Variants in FRAS1 observed in about 807,000 individuals in gnomAD.
FRAS1 encodes the protein extracellular matrix organizing protein FRAS1.
FRAS1 carries 290 observed loss-of-function variants against 435.2 expected under a neutral mutation model. The observed-to-expected ratio is 0.67, with a 90% confidence interval of 0.61 to 0.73. The LOEUF is 0.73. FRAS1 is among the 30% of genes least tolerant of loss of function. The pLI is 0.00. For synonymous variants in FRAS1, 1,800 were observed against 1,851.0 expected (o/e 0.97, Z 0.71); for missense variants, 4,860 against 5,001.5 (o/e 0.97, Z 0.85).
chr4:78,161,170 A>C (rs1208412851), intron 2 of FRAS1, among the ~76,000 whole-genome samples: 1 of 151,348 alleles, frequency 6.6e-6, no homozygotes, highest in East Asian at 1.9e-4. Flanking sequence ...AAGAAGCTTT[A>C]TAAAGAAAAG....
At chr4:78,359,118 A>G (rs1730975289) in intron 20 of FRAS1, among the ~76,000 whole-genome samples, 1 of 152,168 alleles carries the variant, frequency 6.6e-6, no homozygotes, top group South Asian at 2.1e-4. Flanking sequence ...CTTTGTAGTC[A>G]GAAAAATAAA....
At chr4:78,255,955 T>A (rs1725773984) in intron 6 of FRAS1, among the ~76,000 whole-genome samples, 1 of 152,144 alleles carries the variant, frequency 6.6e-6, no homozygotes, top group South Asian at 2.1e-4. Context: ...GTGGTATACG[T>A]GGTATTTTAT....
intron 49 of FRAS1, among the ~76,000 whole-genome samples, chr4:78,465,931 G>A (rs1250174081): frequency 6.6e-6 from 1 of 152,150 alleles, no homozygotes; most frequent in Non-Finnish European, 1.5e-5. Context: ...TTTCATCTTG[G>A]TAGAGGTTAA....
chr4:78,509,741 C>G (rs1394626548), intron 63 of FRAS1, among the ~76,000 whole-genome samples: 3 of 152,222 alleles, frequency 2.0e-5, no homozygotes, highest in African/African-American at 7.2e-5. Flanking sequence ...GCACATCATA[C>G]TGATAAAGCT....
intron 26 of FRAS1, among the ~76,000 whole-genome samples, chr4:78,378,403 G>T (rs1324067507): frequency 3.9e-5 from 6 of 152,014 alleles, no homozygotes; most frequent in African/African-American, 1.2e-4. Context: ...TACAAGTTTT[G>T]TGTGGACAAA....
intron 71 of FRAS1, among the ~76,000 whole-genome samples, chr4:78,535,976 G>T (rs968676310): frequency 6.6e-6 from 1 of 152,102 alleles, no homozygotes; most frequent in Non-Finnish European, 1.5e-5. Context: ...AGCCAGATTT[G>T]TGCTAATTCC....
chr4:78,478,643 T>C (rs1203706056), intron 55 of FRAS1, among the ~76,000 whole-genome samples: 1 of 152,238 alleles, frequency 6.6e-6, no homozygotes, highest in Non-Finnish European at 1.5e-5. Context: ...ATTTTGATTG[T>C]GCAAGATTGA....
At position 78,387,507 on chromosome 4, in the gene FRAS1, C is replaced by T; in HGVS notation, c.3781C>T (p.Leu1261Phe). ...DVVIEIIDPP[L>F]HGQLLQTLQS... ...GGTCATTGAAATAATCGATCCTCCA[C>T]TTCATGGCCAATTGCTTCAGACACT... is the stretch of plus-strand genomic sequence containing the variant. The change falls in exon 29 of 74, where the codon CTT (leucine) becomes TTT (phenylalanine). Residue 1261 changes from leucine to phenylalanine, a missense_variant. Leu to Phe is a conservative substitution (Grantham distance 22, BLOSUM62 0). Transcript: ENST00000512123. 1.2e-6 allele frequency: 2 copies of T among 1,613,718 alleles called. No individual in the cohort carries two copies. Among genetic ancestry groups the T allele is most frequent in the Non-Finnish European group, 1.7e-6 (2 of 1,179,814 alleles).
Position 78,374,233 on chromosome 4 carries a change from G to A in FRAS1, c.3133G>A (p.Ala1045Thr). Residue 1045 changes from alanine to threonine, a missense_variant, in exon 25 of 74, where the codon GCA becomes ACA. Coordinates refer to ENST00000512123, the MANE Select transcript of FRAS1 (RefSeq NM_025074.7). ...TGGGAAGGGGTACTTTGCAGATCAT[G>A]CAAAGCACAAATGCACAGGTAACTT... is the stretch of plus-strand genomic sequence containing the variant. ...ECGKGYFADH[A>T]KHKCTACPQG... 2 of 1,597,268 alleles carry A rather than the reference G, an allele frequency of 1.3e-6. No homozygotes were observed. The highest frequency in any genetic ancestry group is 2.2e-5 in the South Asian group (2 of 89,096).
intron 33 of FRAS1, among the ~76,000 whole-genome samples, chr4:78,420,879 CAT>C (rs72430754): frequency 0.018 from 1,722 of 94,868 alleles, 8 homozygotes; most frequent in East Asian, 0.1. Flanking sequence ...ACTAATAGGA[CAT>C]ATATATATAT....
intron 23 of FRAS1, among the ~76,000 whole-genome samples, chr4:78,371,091 G>GTTTT (rs369342938): frequency 2.4e-5 from 3 of 124,310 alleles, no homozygotes; most frequent in South Asian, 2.7e-4. Flanking sequence ...CTGTTTTTTT[G>GTTTT]TTTTTTTTTT....
intron 20 of FRAS1, among the ~76,000 whole-genome samples, chr4:78,358,921 G>A (rs560538687): frequency 6.6e-6 from 1 of 152,238 alleles, no homozygotes; most frequent in Non-Finnish European, 1.5e-5. Flanking sequence ...GTACTATAGT[G>A]TCCACATTTA....
chr4:78,222,778 C>A (rs1237853073), intron 2 of FRAS1, among the ~76,000 whole-genome samples: 3 of 152,152 alleles, frequency 2.0e-5, no homozygotes, highest in African/African-American at 7.2e-5. Context: ...GCTCTGCAAA[C>A]CACATAGAGG....
At chr4:78,512,815 A>G (rs1162533942) in intron 64 of FRAS1, among the ~76,000 whole-genome samples, 1 of 152,224 alleles carries the variant, frequency 6.6e-6, no homozygotes, top group Non-Finnish European at 1.5e-5. Context: ...CGTAGTGCTG[A>G]TAGGACTTAC....
chr4:78,526,941 G>T (rs1486547865), intron 70 of FRAS1, among the ~76,000 whole-genome samples: 1 of 152,058 alleles, frequency 6.6e-6, no homozygotes, highest in East Asian at 1.9e-4. Context: ...TGTGCCTTTT[G>T]TTGATGATTT....
At chr4:78,383,993 C>T in intron 27 of FRAS1, 66 bp from the exon 28 acceptor site, 3 of 1,201,226 alleles carry the variant, frequency 2.5e-6, no homozygotes, top group Non-Finnish European at 3.6e-6. Context: ...TGTTTTTAAG[C>T]CTTTTCTGTG....
intron 28 of FRAS1, among the ~76,000 whole-genome samples, chr4:78,384,779 T>C (rs2110326260): frequency 6.6e-6 from 1 of 151,656 alleles, no homozygotes; most frequent in Admixed American, 6.6e-5. Flanking sequence ...CAGTGATGCA[T>C]TCCTATAGTC....
intron 2 of FRAS1, among the ~76,000 whole-genome samples, chr4:78,136,240 C>A (rs1427320877): frequency 2.0e-5 from 3 of 152,166 alleles, no homozygotes; most frequent in Non-Finnish European, 1.5e-5. Flanking sequence ...ACTAAATAGA[C>A]TGTGAAAAGG....
chr4:78,102,729 C>G (rs1742195396), intron 2 of FRAS1, among the ~76,000 whole-genome samples: 1 of 152,158 alleles, frequency 6.6e-6, no homozygotes, highest in Non-Finnish European at 1.5e-5. Flanking sequence ...ATGGGTTTCT[C>G]TCTGTCAGAT....
Sources: allele counts gnomAD v4.1 joint callset (sites outside exome capture counted in the v4.1 genomes callset), GRCh38; gene constraint gnomAD v4.1.1; transcripts MANE v1.5; gene names NCBI Gene and HGNC (gene_info 2026-07-23, HGNC 2026-07-21).